TTLL7: variants seen among roughly 807,000 people sequenced by gnomAD.
The protein encoded by TTLL7 is tubulin polyglutamylase TTLL7.
In TTLL7, 53 loss-of-function variants were observed where a neutral mutation model predicts 120.2. The ratio of observed to expected loss-of-function variants is 0.44; its 90% CI spans 0.35 to 0.55. The LOEUF (loss-of-function observed/expected upper bound fraction) is 0.55. Ranked by LOEUF, TTLL7 falls within the 20% of genes least tolerant of loss-of-function variation. The pLI, the probability that TTLL7 is intolerant of heterozygous loss-of-function variation, is 0.00. For synonymous variants in TTLL7, 353 were observed against 351.7 expected (o/e 1.00, Z -0.04); for missense variants, 803 against 1,054.7 (o/e 0.76, Z 3.31).
At chr1:83,979,333 C>T in intron 1 of TTLL7, 1 of 152,126 alleles carries the variant, frequency 6.6e-6, no homozygotes, top group Non-Finnish European at 1.5e-5. Context: ...CGGGTGGAGG[C>T]CACAGGACCA....
intron 19 of TTLL7, among the ~76,000 whole-genome samples, chr1:83,889,098 G>A (rs1655221234): frequency 6.6e-6 from 1 of 152,108 alleles, no homozygotes; most frequent in African/African-American, 2.4e-5. Flanking sequence ...TTGACTCATA[G>A]TTCAGCATGG....
At chr1:83,892,549 T>TATAAATGAAC (rs1553129074) in intron 18 of TTLL7, among the ~76,000 whole-genome samples, 1 of 143,900 alleles carries the variant, frequency 6.9e-6, no homozygotes, top group African/African-American at 2.6e-5. Flanking sequence ...TGAATGAACA[T>TATAAATGAAC]ATATATGAAC....
At chr1:83,880,587 T>A (rs1654357032) in intron 20 of TTLL7, among the ~76,000 whole-genome samples, 1 of 152,030 alleles carries the variant, frequency 6.6e-6, no homozygotes, top group African/African-American at 2.4e-5. Context: ...ATTCAACTAT[T>A]CACTGACTTT....
chr1:83,880,656 T>G (rs1654364733), intron 20 of TTLL7, among the ~76,000 whole-genome samples: 1 of 152,012 alleles, frequency 6.6e-6, no homozygotes. Context: ...TGAATAGTAC[T>G]ACAACTTACA....
At chr1:83,921,020 A>C in intron 12 of TTLL7, 67 bp downstream of exon 12, 1 of 1,491,382 alleles carries the variant, frequency 6.7e-7, no homozygotes, top group Non-Finnish European at 9.1e-7. Context: ...CACAAGATTA[A>C]AACATGAAGA....
At chr1:83,976,993 G>A (rs896566546) in intron 1 of TTLL7, among the ~76,000 whole-genome samples, 1 of 151,722 alleles carries the variant, frequency 6.6e-6, no homozygotes, top group Non-Finnish European at 1.5e-5. Flanking sequence ...CCATTTTATT[G>A]TGTCTTTCCC....
chr1:83,991,188 A>T (rs1313375246), intron 1 of TTLL7, among the ~76,000 whole-genome samples: 2 of 152,162 alleles, frequency 1.3e-5, no homozygotes, highest in African/African-American at 2.4e-5. Context: ...CCAGGGGCAG[A>T]GGGTGAAGCT....
At chr1:83,925,901 A>T (rs922917041) in intron 10 of TTLL7, among the ~76,000 whole-genome samples, 3 of 151,968 alleles carry the variant, frequency 2.0e-5, no homozygotes, top group Non-Finnish European at 4.4e-5. Context: ...GCGGTGGATC[A>T]CCTGAGGTCA....
chr1:83,938,023 CAAGT>C lies in TTLL7; in HGVS notation c.724-11_724-8del, dbSNP rs1647587117. 6.2e-7 allele frequency: 1 copy of C among 1,613,392 alleles called. No individual in the cohort carries two copies. Among genetic ancestry groups the C allele is most frequent in the African/African-American group, 1.3e-5 (1 of 74,878 alleles). ...GATGCATGTATAACTGGGTCTGTAA[CAAGT>C]AAGAACCAAAGTTGTTACCACCTAT... On this transcript the variant is annotated splice_polypyrimidine_tract_variant and splice_region_variant and intron_variant, in intron 7 of 20. Transcript: ENST00000260505.
chr1:83,910,633 T>C (rs1657597196), intron 15 of TTLL7, among the ~76,000 whole-genome samples: 1 of 152,062 alleles, frequency 6.6e-6, no homozygotes, highest in South Asian at 2.1e-4. Flanking sequence ...TCCTAAGTAG[T>C]TCCTATGCAT....
chr1:83,905,642 T>G (rs1462588234), intron 17 of TTLL7, among the ~76,000 whole-genome samples: 3 of 151,664 alleles, frequency 2.0e-5, no homozygotes, highest in Non-Finnish European at 2.9e-5. Flanking sequence ...AAAACAAGGT[T>G]CTATTACTGA....
intron 11 of TTLL7, 34 bp downstream of exon 11, chr1:83,921,213 T>G: frequency 6.2e-7 from 1 of 1,610,232 alleles, no homozygotes; most frequent in Non-Finnish European, 8.5e-7. Flanking sequence ...ATTATGCAAT[T>G]TAAATTGTGG....
chr1:83,933,777 G>A lies in TTLL7; in HGVS notation c.889-11C>T, dbSNP rs750900806. ...CTTTACCACCAATTCCTATAAGATT[G>A]TGATAAAAGAAGTGAAAATGCCTTT... is the stretch of plus-strand genomic sequence containing the variant. On this transcript the variant is annotated splice_polypyrimidine_tract_variant and intron_variant, in intron 8 of 20. Transcript: ENST00000260505. 2 of 1,593,912 alleles carry A rather than the reference G, an allele frequency of 1.3e-6. No homozygotes were observed. The highest frequency in any genetic ancestry group is 2.2e-5 in the East Asian group (1 of 44,570).
At chr1:83,908,169 A>G (rs1657366388) in intron 15 of TTLL7, among the ~76,000 whole-genome samples, 1 of 152,068 alleles carries the variant, frequency 6.6e-6, no homozygotes, top group South Asian at 2.1e-4. Context: ...TTTTTCTATA[A>G]TACCATGATG....
chr1:83,925,847 C>T (rs1197334587), intron 10 of TTLL7, among the ~76,000 whole-genome samples: 2 of 152,080 alleles, frequency 1.3e-5, no homozygotes, highest in African/African-American at 4.8e-5. Flanking sequence ...GTAGGCTGGG[C>T]ACAGTGGCTT....
At chr1:83,944,320 T>G (rs1648265212) in intron 6 of TTLL7, among the ~76,000 whole-genome samples, 1 of 152,152 alleles carries the variant, frequency 6.6e-6, no homozygotes, top group Non-Finnish European at 1.5e-5. Flanking sequence ...TACCTCCAAG[T>G]AGGATAAACT....
At chr1:83,987,449 C>T (rs989030012) in intron 1 of TTLL7, among the ~76,000 whole-genome samples, 4 of 151,962 alleles carry the variant, frequency 2.6e-5, no homozygotes, top group African/African-American at 4.8e-5. Context: ...CAACAAAATT[C>T]TACATTAGAT....
In TTLL7 at chr1:83,967,326, AAACTT is replaced by A. The variant is rs1304693034; in HGVS notation, c.-176-14944_-176-14940del. Among the ~76,000 whole-genome samples, 4 of 53,232 alleles carry A rather than the reference AAACTT, an allele frequency of 7.5e-5. No individual in the cohort carries two copies. The East Asian group carries it at 1.5e-3, about 20-fold the overall frequency. 34.9% of individuals were successfully genotyped at this position (53,232 alleles called of 152,430 possible). On this transcript the variant is annotated intron_variant, in intron 1 of 20. Coordinates refer to ENST00000260505, the MANE Select transcript of TTLL7 (RefSeq NM_024686.6). ...TTTGCCAACTATGCCAACAGTTCTC[AAACTT>A]GAATGTGCACAAGAATTTCCTGGAG...
intron 10 of TTLL7, among the ~76,000 whole-genome samples, chr1:83,924,957 T>C (rs1199257932): frequency 4.0e-5 from 6 of 151,844 alleles, no homozygotes; most frequent in Middle Eastern, 3.4e-3. Flanking sequence ...AATATAAAGA[T>C]CAAAAAGTGC....
Sources: allele counts gnomAD v4.1 joint callset (sites outside exome capture counted in the v4.1 genomes callset), GRCh38; gene constraint gnomAD v4.1.1; transcripts MANE v1.5; gene names NCBI Gene and HGNC (gene_info 2026-07-23, HGNC 2026-07-21).